ECHDC2: variants seen among roughly 807,000 people sequenced by gnomAD.
The protein encoded by ECHDC2 is enoyl-CoA hydratase domain-containing protein 2, mitochondrial.
Under a neutral mutation model 40.6 loss-of-function variants are expected in ECHDC2, and 34 were observed. That is an observed-to-expected ratio of 0.84 (90% CI 0.64 to 1.11). The LOEUF (loss-of-function observed/expected upper bound fraction) is 1.11. Ranked by LOEUF, ECHDC2 falls within the 50% of genes most tolerant of loss-of-function variation. The probability of loss-of-function intolerance (pLI) is 0.00; values close to 1 mark genes in which losing one functional copy is unlikely to be tolerated. For missense variants in ECHDC2, 392 were observed against 400.7 expected, an observed-to-expected ratio of 0.98 and a Z score of 0.19; for synonymous variants, 162 against 166.6, an observed-to-expected ratio of 0.97 and a Z score of 0.21.
intron 1 of ECHDC2, among the ~76,000 whole-genome samples, chr1:52,918,180 T>A (rs1651113917): frequency 6.6e-6 from 1 of 151,998 alleles, no homozygotes; most frequent in South Asian, 2.1e-4. Context: ...TGCACAACCA[T>A]GCCTGGATAA....
intron 3 of ECHDC2, among the ~76,000 whole-genome samples, chr1:52,910,190 G>A (rs940310070): frequency 5.9e-5 from 9 of 152,002 alleles, no homozygotes; most frequent in Non-Finnish European, 1.5e-5. Flanking sequence ...GGGAGTCACT[G>A]TCTGAACAGG....
intron 1 of ECHDC2, among the ~76,000 whole-genome samples, chr1:52,916,857 C>A (rs1650790019): frequency 6.6e-6 from 1 of 152,150 alleles, no homozygotes; most frequent in African/African-American, 2.4e-5. Context: ...TACCACTGAG[C>A]AGCTGACCTA....
intron 1 of ECHDC2, chr1:52,920,611 C>G (rs1651658735): frequency 9.6e-7 from 1 of 1,045,656 alleles, no homozygotes; most frequent in Admixed American, 1.8e-5. Flanking sequence ...GTTCCCTGTG[C>G]CTAAGGAGAT....
chr1:52,898,953 C>G, intron 8 of ECHDC2: 2 of 615,854 alleles, frequency 3.2e-6, no homozygotes, highest in African/African-American at 1.8e-5. Context: ...ATCTCATCCT[C>G]TCTCCAAGGG....
intron 5 of ECHDC2, chr1:52,906,232 C>G: frequency 2.1e-6 from 1 of 466,154 alleles, no homozygotes; most frequent in Non-Finnish European, 4.1e-6. Flanking sequence ...CTGGACATTG[C>G]TCTTTGACCT....
At position 52,905,091 on chromosome 1, in the gene ECHDC2, C is replaced by T. The variant is rs1021139747; in HGVS notation, c.458-1G>A. 3.1e-6 allele frequency: 5 copies of T among 1,614,132 alleles called. No individual in the cohort carries two copies. In the South Asian group the frequency reaches 3.3e-5, roughly 11 times the overall value. ...ATCAGTCCCATGACTGCCGAGGAAG[C>T]TGCTCAGATAGAACAAAGTGAGGCC... On this transcript the variant is annotated splice_acceptor_variant, in intron 5 of 9. Coordinates refer to ENST00000371522, the MANE Select transcript of ECHDC2 (RefSeq NM_001198961.2). LOFTEE classifies it high-confidence loss of function.
intron 1 of ECHDC2, 120 bp downstream of exon 1, chr1:52,921,433 T>TGGGA: frequency 1.4e-6 from 2 of 1,437,882 alleles, no homozygotes; most frequent in Non-Finnish European, 1.8e-6. Context: ...CGCCTAGAAC[T>TGGGA]GGGAGGGAGG....
chr1:52,897,428 G>A lies in ECHDC2; in HGVS notation c.801+9C>T. On this transcript the variant is annotated intron_variant, in intron 9 of 9. Transcript: ENST00000371522. ...GTTAACAAGCAGGCATGGGCTGGTT[G>A]CTACATACCTGGGCATAGCACATCC... 6.2e-7 allele frequency: 1 copy of A among 1,614,048 alleles called. No individual in the cohort carries two copies. The highest frequency in any genetic ancestry group is 8.5e-7 in the Non-Finnish European group (1 of 1,179,910).
Position 52,897,488 on chromosome 1 carries a change from C to T in ECHDC2, c.754-4G>A. 1.2e-6 allele frequency: 2 copies of T among 1,614,210 alleles called. No homozygotes were observed. Among genetic ancestry groups the T allele is most frequent in the Non-Finnish European group, 1.7e-6 (2 of 1,180,038 alleles). ...CCATCCCAGATGCAATGTCCACCTG[C>T]AAGAAAGACGTGCTCCCTGGATTGG... On this transcript the variant is annotated splice_polypyrimidine_tract_variant and splice_region_variant and intron_variant, in intron 8 of 9. Coordinates refer to ENST00000371522, the MANE Select transcript of ECHDC2 (RefSeq NM_001198961.2).
intron 9 of ECHDC2, chr1:52,897,203 C>T (rs1024360892): frequency 4.4e-5 from 25 of 571,884 alleles, no homozygotes; most frequent in Non-Finnish European, 6.9e-5. Flanking sequence ...CTGTGATTCT[C>T]GGCATTAAGT....
chr1:52,897,152 A>G, intron 9 of ECHDC2: 1 of 511,938 alleles, frequency 2.0e-6, no homozygotes, highest in Non-Finnish European at 3.5e-6. Context: ...CATCTGATAC[A>G]GAGGCAAAAG....
intron 7 of ECHDC2, among the ~76,000 whole-genome samples, chr1:52,902,824 A>C (rs1235545246): frequency 1.3e-5 from 2 of 152,170 alleles, no homozygotes; most frequent in Non-Finnish European, 2.9e-5. Context: ...TAATACTACA[A>C]TCACTCTTTG....
At chr1:52,899,944 A>G (rs1399662851) in intron 7 of ECHDC2, 5 of 151,926 alleles carry the variant, frequency 3.3e-5, no homozygotes, top group Non-Finnish European at 5.9e-5. Flanking sequence ...ATTACTTCCT[A>G]TATCATATTA....
chr1:52,917,772 C>T (rs1332259851), intron 1 of ECHDC2, among the ~76,000 whole-genome samples: 5 of 152,156 alleles, frequency 3.3e-5, no homozygotes, highest in Non-Finnish European at 7.4e-5. Flanking sequence ...GCTGTCATAA[C>T]ATCATAGCGC....
chr1:52,898,972 G>A, intron 8 of ECHDC2: 1 of 650,350 alleles, frequency 1.5e-6, no homozygotes, highest in South Asian at 1.8e-5. Flanking sequence ...GGAGAAAGAT[G>A]AGGATAGAAT....
chr1:52,897,201 C>G, intron 9 of ECHDC2: 1 of 572,304 alleles, frequency 1.7e-6, no homozygotes, highest in East Asian at 2.8e-5. Flanking sequence ...TTCTGTGATT[C>G]TCGGCATTAA....
intron 3 of ECHDC2, among the ~76,000 whole-genome samples, chr1:52,910,830 C>T (rs911440733): frequency 1.3e-5 from 2 of 152,144 alleles, no homozygotes; most frequent in African/African-American, 4.8e-5. Flanking sequence ...AGCGCCTTGG[C>T]GGGAAGAGTG....
chr1:52,905,226 TC>T, intron 5 of ECHDC2, 136 bp from the exon 6 acceptor site: 1 of 896,540 alleles, frequency 1.1e-6, no homozygotes, highest in Non-Finnish European at 1.7e-6. Flanking sequence ...GCCAGGCCTC[TC>T]CAGACTCTGC....
rs1378957146 is a variant in ECHDC2, at chr1:52,912,093, G to GAC, written c.122-305_122-304dup. The GAC allele has an allele frequency of 1.2e-4, 152 of 1,299,162 alleles. No homozygotes were observed. In the African/African-American group the frequency reaches 2.3e-3, roughly 19 times the overall value. 80.5% of individuals were successfully genotyped at this position (1,299,162 alleles called of 1,614,324 possible). ...CCCTTGCCTGCTTCTGCTGTTGTTA[G>GAC]ACAGACAGACACACACACACACAAG... On this transcript the variant is annotated intron_variant, in intron 1 of 9. Transcript: ENST00000371522.
Sources: gnomAD v4.1 joint callset for allele counts (sites outside exome capture counted in the v4.1 genomes callset) on GRCh38, gnomAD v4.1.1 for gene constraint, MANE v1.5 for transcripts, NCBI Gene and HGNC (gene_info 2026-07-23, HGNC 2026-07-21) for gene names.